Variants in CCDC7 observed in about 807,000 individuals in gnomAD.
CCDC7 encodes the protein coiled-coil domain containing 7.
A neutral mutation model predicts 196.9 loss-of-function variants in CCDC7; 183 were observed. The observed-to-expected ratio is 0.93, with a 90% CI of 0.82 to 1.05. CCDC7 has a LOEUF of 1.05. CCDC7 is among the 50% of genes least tolerant of loss of function. The pLI is 0.00. For synonymous variants in CCDC7, 525 were observed against 484.6 expected, an observed-to-expected ratio of 1.08 and a Z score of -1.10; for missense variants, 1,540 against 1,482.2, an observed-to-expected ratio of 1.04 and a Z score of -0.64.
intron 20 of CCDC7, among the ~76,000 whole-genome samples, chr10:32,660,930 C>G (rs2071239491): frequency 1.4e-5 from 2 of 140,550 alleles, no homozygotes; most frequent in South Asian, 2.6e-4. Flanking sequence ...GACTTCATGT[C>G]TAAAACACCA....
chr10:32,740,670 A>T (rs1364078682), intron 28 of CCDC7, among the ~76,000 whole-genome samples: 1 of 152,226 alleles, frequency 6.6e-6, no homozygotes, highest in Non-Finnish European at 1.5e-5. Flanking sequence ...AATTGAAAAG[A>T]TTCCAGCAGT....
At chr10:32,775,514 C>T (rs188626940) in intron 28 of CCDC7, among the ~76,000 whole-genome samples, 142 of 152,026 alleles carry the variant, frequency 9.3e-4, no homozygotes, top group Non-Finnish European at 7.5e-4. Flanking sequence ...AGAAAAAAAC[C>T]GTAATGCTCT....
intron 28 of CCDC7, among the ~76,000 whole-genome samples, chr10:32,773,285 T>C (rs1157724311): frequency 6.6e-6 from 1 of 152,192 alleles, no homozygotes; most frequent in Non-Finnish European, 1.5e-5. Context: ...TCTTCTATCA[T>C]TTAGCAACTC....
intron 28 of CCDC7, among the ~76,000 whole-genome samples, chr10:32,751,246 G>A (rs899654108): frequency 6.6e-6 from 1 of 151,768 alleles, no homozygotes; most frequent in Admixed American, 6.6e-5. Context: ...GTATTTAAAG[G>A]TAGCCCAGTG....
chr10:32,475,993 CCT>C (rs1381493281), intron 8 of CCDC7, among the ~76,000 whole-genome samples: 1 of 152,136 alleles, frequency 6.6e-6, no homozygotes, highest in Non-Finnish European at 1.5e-5. Flanking sequence ...TAAAGCTTCC[CCT>C]GTTATTAACA....
intron 21 of CCDC7, among the ~76,000 whole-genome samples, chr10:32,679,030 G>T (rs2075452938): frequency 6.6e-6 from 1 of 151,618 alleles, no homozygotes; most frequent in African/African-American, 2.4e-5. Flanking sequence ...AATTTTTTTT[G>T]ATTCATGAAT....
At chr10:32,601,687 A>G (rs993847646) in intron 18 of CCDC7, among the ~76,000 whole-genome samples, 3 of 151,976 alleles carry the variant, frequency 2.0e-5, no homozygotes, top group African/African-American at 4.8e-5. Context: ...AAATGCACCA[A>G]TCAGCACTCT....
At chr10:32,704,989 G>A (rs535466824) in intron 24 of CCDC7, among the ~76,000 whole-genome samples, 157 of 152,104 alleles carry the variant, frequency 1.0e-3, no homozygotes, top group African/African-American at 3.2e-3. Context: ...GCCCTGCTTC[G>A]GGTCCCGCTC....
At chr10:32,595,555 T>G (rs1175223141) in intron 18 of CCDC7, among the ~76,000 whole-genome samples, 1 of 152,250 alleles carries the variant, frequency 6.6e-6, no homozygotes, top group Non-Finnish European at 1.5e-5. Context: ...AGTTCTGCTC[T>G]GATCTTAGTT....
chr10:32,609,475 T>C (rs935510841), intron 18 of CCDC7, among the ~76,000 whole-genome samples: 1 of 152,214 alleles, frequency 6.6e-6, no homozygotes, highest in African/African-American at 2.4e-5. Context: ...AATTCTATCC[T>C]TTTACTTTGA....
In CCDC7 at chr10:32,635,166, G is replaced by A; in HGVS notation, c.2014+8G>A. ...GAAATGAGAGTTTTCATTGTAAGTA[G>A]TAAGTTTAAAATGTTATAAAATTAT... On this transcript the variant is annotated splice_region_variant and intron_variant, in intron 20 of 41. Transcript: ENST00000639629. The A allele has an allele frequency of 2.5e-6, 1 of 398,400 alleles. No individual in the cohort carries two copies. The allele number at this position is 398,400 out of a possible 1,614,324, so 24.7% of individuals were successfully genotyped here.
At chr10:32,572,447 G>A (rs934119709) in intron 16 of CCDC7, among the ~76,000 whole-genome samples, 1 of 152,094 alleles carries the variant, frequency 6.6e-6, no homozygotes, top group Admixed American at 6.6e-5. Context: ...TTACCTAGAA[G>A]TATGCATTTA....
intron 28 of CCDC7, among the ~76,000 whole-genome samples, chr10:32,766,930 C>T (rs940889767): frequency 9.2e-5 from 14 of 152,046 alleles, no homozygotes; most frequent in Non-Finnish European, 1.8e-4. Context: ...ATTTCTGGTT[C>T]TTGTGATGGT....
At chr10:32,575,795 T>C (rs1313915309) in intron 16 of CCDC7, among the ~76,000 whole-genome samples, 1 of 152,150 alleles carries the variant, frequency 6.6e-6, no homozygotes, top group Non-Finnish European at 1.5e-5. Flanking sequence ...TATCCTTTGA[T>C]CTTAGAGACT....
chr10:32,451,918 G>A, exon 1 of CCDC7: 1 of 1,610,398 alleles, frequency 6.2e-7, no homozygotes, highest in Non-Finnish European at 8.5e-7. Flanking sequence ...AACATCTGAA[G>A]ATGGTAAGAG....
chr10:32,806,122 G>A (rs993831105), intron 30 of CCDC7, among the ~76,000 whole-genome samples: 1 of 152,188 alleles, frequency 6.6e-6, no homozygotes, highest in African/African-American at 2.4e-5. Flanking sequence ...CAACAATGGG[G>A]ATTACATTTC....
intron 21 of CCDC7, among the ~76,000 whole-genome samples, chr10:32,666,312 G>A (rs548082950): frequency 1.3e-5 from 2 of 151,520 alleles, no homozygotes; most frequent in Non-Finnish European, 2.9e-5. Context: ...TACCAGGTAC[G>A]GCAGTAGGAA....
intron 4 of CCDC7, 62 bp downstream of exon 5, chr10:32,462,765 A>G: frequency 1.4e-6 from 2 of 1,396,792 alleles, no homozygotes; most frequent in South Asian, 2.8e-5. Flanking sequence ...CATGCCAATG[A>G]AGAAGAGGTT....
chr10:32,778,081 T>C (rs2080405275), intron 28 of CCDC7, among the ~76,000 whole-genome samples: 1 of 152,250 alleles, frequency 6.6e-6, no homozygotes, highest in South Asian at 2.1e-4. Flanking sequence ...TTATAGATTC[T>C]AGACCTTTGT....
Sources: allele counts gnomAD v4.1 joint callset (sites outside exome capture counted in the v4.1 genomes callset), GRCh38; gene constraint gnomAD v4.1.1; transcripts MANE v1.5; gene names NCBI Gene and HGNC (gene_info 2026-07-23, HGNC 2026-07-21).